HECW1: variants seen among roughly 807,000 people sequenced by gnomAD.
HECW1 encodes the protein E3 ubiquitin-protein ligase HECW1.
Under a neutral mutation model 182.3 loss-of-function variants are expected in HECW1, and 61 were observed. The observed-to-expected ratio is 0.33, with a 90% CI of 0.27 to 0.41. The LOEUF (loss-of-function observed/expected upper bound fraction) is 0.41. HECW1 is among the 10% of genes least tolerant of loss of function. HECW1 has a pLI of 1.00. For synonymous variants in HECW1, 859 were observed against 832.6 expected, an observed-to-expected ratio of 1.03 and a Z score of -0.55; for missense variants, 1,739 against 2,108.9, an observed-to-expected ratio of 0.82 and a Z score of 3.44.
chr7:43,216,657 T>C (rs1239894981), intron 2 of HECW1, among the ~76,000 whole-genome samples: 1 of 151,202 alleles, frequency 6.6e-6, no homozygotes, highest in Non-Finnish European at 1.5e-5. Context: ...GCAAATGCAG[T>C]GTAATTTTTT....
At chr7:43,250,221 G>A (rs529618615) in intron 3 of HECW1, among the ~76,000 whole-genome samples, 93 of 152,112 alleles carry the variant, frequency 6.1e-4, no homozygotes, top group African/African-American at 2.2e-3. Context: ...TCTGGATAGG[G>A]ATTATGCTGG....
intron 24 of HECW1, among the ~76,000 whole-genome samples, chr7:43,534,120 A>G (rs1230785491): frequency 4.6e-5 from 7 of 152,208 alleles, no homozygotes; most frequent in South Asian, 2.1e-4. Context: ...CTCAATTTTT[A>G]TATCACTTTC....
intron 2 of HECW1, among the ~76,000 whole-genome samples, chr7:43,137,687 C>A (rs1230864963): frequency 6.6e-6 from 1 of 151,928 alleles, no homozygotes; most frequent in East Asian, 1.9e-4. Context: ...GTAGCTAGAA[C>A]TACAGGCATG....
chr7:43,313,151 A>G lies in HECW1; in HGVS notation c.352+1064A>G, dbSNP rs1174749443. On this transcript the variant is annotated intron_variant, in intron 4 of 29. Coordinates refer to ENST00000395891, the MANE Select transcript of HECW1 (RefSeq NM_015052.5). ...TTCCATCAGCTTGGTTAGTGCGTTTATAATACACACATTAATGTAAAGATG... is the reference window on the plus strand; with the variant it reads ...TTCCATCAGCTTGGTTAGTGCGTTTGTAATACACACATTAATGTAAAGATG... Among the ~76,000 whole-genome samples, 8 of 152,224 alleles carry G rather than the reference A, an allele frequency of 5.3e-5. No homozygotes were observed. The East Asian group carries it at 1.5e-3, about 29-fold the overall frequency.
intron 2 of HECW1, among the ~76,000 whole-genome samples, chr7:43,169,491 C>G (rs1163410652): frequency 2.0e-5 from 3 of 152,144 alleles, no homozygotes; most frequent in African/African-American, 7.2e-5. Context: ...CATTGAGAAC[C>G]ACTGGTGTCC....
rs745597497 is a variant in HECW1, at chr7:43,444,712, A to C, written c.1540A>C (p.Thr514Pro). ...KEQEEEGDVS[T>P]LEQGEGRLQL... is the part of the protein sequence containing the mutation. ...GCAGGAGGAGGAGGGAGATGTGTCT[A>C]CCCTGGAGCAGGGAGAGGGCAGGCT... Residue 514 changes from threonine to proline, a missense_variant, in exon 11 of 30, where the codon ACC (threonine) becomes CCC (proline). Physicochemically the swap from Thr to Pro is conservative, Grantham distance 38. Transcript: ENST00000395891. This position sits in a 1 kb window ranked among gnomAD's most constrained non-coding sequence, Gnocchi z 4.3. The C allele has an allele frequency of 6.2e-6, 10 of 1,610,968 alleles. No individual in the cohort carries two copies. Among genetic ancestry groups the C allele is most frequent in the Non-Finnish European group, 8.5e-6 (10 of 1,178,500 alleles).
intron 3 of HECW1, among the ~76,000 whole-genome samples, chr7:43,291,039 G>A (rs1373758889): frequency 2.0e-5 from 3 of 152,196 alleles, no homozygotes; most frequent in Non-Finnish European, 2.9e-5. Context: ...TTACTGTTTA[G>A]ATCTGCAGGG....
chr7:43,486,650 C>T (rs1199125805), intron 17 of HECW1, among the ~76,000 whole-genome samples: 2 of 152,194 alleles, frequency 1.3e-5, no homozygotes, highest in East Asian at 3.8e-4. Context: ...ACAGCTATGA[C>T]ATGACCAGTG....
rs1393057467 is a variant in HECW1, at chr7:43,390,283, G to T, written c.556-6531G>T. ...GGCCACGCATGGTGGCTCATGCCTG[G>T]AATCTCAGCACATGGGAGACCAAAG... On this transcript the variant is annotated intron_variant, in intron 6 of 29. Transcript: ENST00000395891. Among the ~76,000 whole-genome samples, 4 of 152,048 alleles carry T rather than the reference G, an allele frequency of 2.6e-5. No individual in the cohort carries two copies. The East Asian group carries it at 7.7e-4, about 29-fold the overall frequency.
intron 3 of HECW1, among the ~76,000 whole-genome samples, chr7:43,288,347 G>A (rs1166210098): frequency 6.6e-6 from 1 of 152,108 alleles, no homozygotes; most frequent in East Asian, 1.9e-4. Context: ...ATGTGTATTT[G>A]AAAAAAATCC....
intron 3 of HECW1, among the ~76,000 whole-genome samples, chr7:43,298,217 C>T (rs767701758): frequency 4.6e-5 from 7 of 152,222 alleles, no homozygotes; most frequent in Non-Finnish European, 1.0e-4. Flanking sequence ...GTGGTGCTTT[C>T]TTCTAACAAC....
rs556760898 is a variant in HECW1 at position 43,218,083 on chromosome 7, A to G, written c.-31-25792A>G. On this transcript the variant is annotated intron_variant, in intron 2 of 29. Transcript: ENST00000395891. Reference sequence around the variant, plus strand: ...GGAGGAGAGCTGTGTAAATGGCCCAACAAAGTCTGTGTCAAAAAGGATTTT... The same window carrying G: ...GGAGGAGAGCTGTGTAAATGGCCCAGCAAAGTCTGTGTCAAAAAGGATTTT... Among the ~76,000 whole-genome samples the G allele has an allele frequency of 2.0e-5, 3 of 152,338 alleles. No homozygotes were observed. In the East Asian group the frequency reaches 5.8e-4, roughly 29 times the overall value.
chr7:43,297,882 G>A (rs1806237022), intron 3 of HECW1, among the ~76,000 whole-genome samples: 1 of 152,130 alleles, frequency 6.6e-6, no homozygotes, highest in Admixed American at 6.5e-5. Context: ...GACCAATCTG[G>A]GCAGCATAGA....
At chr7:43,456,477 T>C in intron 13 of HECW1, 30 bp downstream of exon 13, 1 of 1,594,008 alleles carries the variant, frequency 6.3e-7, no homozygotes, top group Non-Finnish European at 8.6e-7. Flanking sequence ...TGAGCTCCCC[T>C]AAACCACAGT....
chr7:43,131,699 T>C (rs1459470764), intron 2 of HECW1, among the ~76,000 whole-genome samples: 1 of 152,238 alleles, frequency 6.6e-6, no homozygotes, highest in African/African-American at 2.4e-5. Context: ...CTCCAACTTG[T>C]CAGTGCTCAG....
rs956008351 is a variant in HECW1, at chr7:43,155,723, C to T, written c.-32+41332C>T. ...TTGTCTCTAAGATAATAAAACCTGG[C>T]GAGCATTTATCATGGGATACAATGG... On this transcript the variant is annotated intron_variant, in intron 2 of 29. Transcript: ENST00000395891. Among the ~76,000 whole-genome samples, 13 of 152,122 alleles carry T rather than the reference C, an allele frequency of 8.5e-5. No individual in the cohort carries two copies. The South Asian group carries it at 1.0e-3, about 12-fold the overall frequency.
chr7:43,364,052 T>TTGC (rs1214544183), intron 6 of HECW1, among the ~76,000 whole-genome samples: 10 of 152,180 alleles, frequency 6.6e-5, no homozygotes, highest in Admixed American at 2.6e-4. Context: ...AGGTTGAGGA[T>TTGC]TGCTGCTGCT....
chr7:43,456,546 G>A, intron 13 of HECW1, 99 bp downstream of exon 13: 2 of 1,111,862 alleles, frequency 1.8e-6, no homozygotes, highest in Middle Eastern at 2.1e-4. Flanking sequence ...GACTGTATGA[G>A]GAGACTGGAA....
intron 3 of HECW1, among the ~76,000 whole-genome samples, chr7:43,306,588 C>T (rs535781636): frequency 3.3e-5 from 5 of 152,224 alleles, no homozygotes; most frequent in South Asian, 2.1e-4. Flanking sequence ...CTGTGTATTT[C>T]GCTTACAATT....
Sources: allele counts gnomAD v4.1 joint callset (sites outside exome capture counted in the v4.1 genomes callset), GRCh38; gene constraint gnomAD v4.1.1; non-coding constraint Gnocchi (gnomAD v3.1); transcripts MANE v1.5; gene names NCBI Gene and HGNC (gene_info 2026-07-23, HGNC 2026-07-21).